Variants in NUP210L observed in about 807,000 individuals in gnomAD.
NUP210L encodes nucleoporin 210 like, also known as nuclear pore membrane glycoprotein 210-like.
NUP210L carries 74 observed loss-of-function variants against 208.5 expected under a neutral mutation model. The ratio of observed to expected loss-of-function variants is 0.35; its 90% CI spans 0.29 to 0.43. The LOEUF (loss-of-function observed/expected upper bound fraction) is 0.43, where lower values mean the gene tolerates loss of function less well. NUP210L is among the 20% of genes least tolerant of loss of function. The pLI is 1.00. For missense variants in NUP210L, 1,843 were observed against 2,289.4 expected (o/e 0.81, Z 3.98); for synonymous variants, 780 against 816.9 (o/e 0.95, Z 0.77).
chr1:154,027,092 AAAAAC>A (rs1557924477), intron 29 of NUP210L, among the ~76,000 whole-genome samples: 4 of 143,544 alleles, frequency 2.8e-5, no homozygotes, highest in South Asian at 2.2e-4. Flanking sequence ...AAAAAAAAAA[AAAAAC>A]AAAAAAAAAA....
chr1:154,072,778 G>A (rs896176635), intron 16 of NUP210L, among the ~76,000 whole-genome samples: 1 of 152,148 alleles, frequency 6.6e-6, no homozygotes, highest in African/African-American at 2.4e-5. Flanking sequence ...ATTCGAGATG[G>A]ATCAAGGACT....
chr1:154,104,174 G>A, exon 13 of NUP210L: 1 of 1,613,950 alleles, frequency 6.2e-7, no homozygotes. Flanking sequence ...GCATGAAATG[G>A]TAACAGTTCC....
chr1:154,091,720 C>T (rs1268605657), intron 15 of NUP210L, among the ~76,000 whole-genome samples: 1 of 151,418 alleles, frequency 6.6e-6, no homozygotes, highest in Non-Finnish European at 1.5e-5. Context: ...AGGCTGGTCT[C>T]GAACTCCTGA....
At chr1:154,101,172 C>A (rs1204104712) in intron 13 of NUP210L, among the ~76,000 whole-genome samples, 44 of 104,722 alleles carry the variant, frequency 4.2e-4, no homozygotes, top group East Asian at 8.5e-4. Context: ...AACTCTGTCT[C>A]AAAAAAAAAA....
chr1:154,078,642 C>T (rs944829874), intron 16 of NUP210L, among the ~76,000 whole-genome samples: 16 of 150,692 alleles, frequency 1.1e-4, no homozygotes, highest in African/African-American at 3.7e-4. Flanking sequence ...GTTTGATGGG[C>T]ATAGTATATA....
chr1:154,009,578 G>A (rs1264784562), intron 35 of NUP210L, among the ~76,000 whole-genome samples: 1 of 141,978 alleles, frequency 7.0e-6, no homozygotes, highest in Non-Finnish European at 1.5e-5. Flanking sequence ...CTTGAGGCCA[G>A]GAGTTTGAGA....
chr1:154,133,828 A>G (rs767582010), intron 7 of NUP210L, among the ~76,000 whole-genome samples: 16 of 151,938 alleles, frequency 1.1e-4, no homozygotes, highest in Non-Finnish European at 1.8e-4. Context: ...AGCCTGGGCA[A>G]CAGAGTGAGA....
chr1:154,145,439 GA>G (rs888066631), intron 2 of NUP210L, among the ~76,000 whole-genome samples: 10 of 150,178 alleles, frequency 6.7e-5, no homozygotes, highest in Admixed American at 2.0e-4. Flanking sequence ...ATTAAACATT[GA>G]AAAAAAAATC....
chr1:154,128,155 C>T (rs1303771548), intron 8 of NUP210L, among the ~76,000 whole-genome samples: 1 of 152,118 alleles, frequency 6.6e-6, no homozygotes, highest in Admixed American at 6.6e-5. Flanking sequence ...AACCACTGCA[C>T]CCAGCTCTCC....
intron 2 of NUP210L, among the ~76,000 whole-genome samples, chr1:154,151,112 T>A (rs1301541811): frequency 6.6e-6 from 1 of 152,078 alleles, no homozygotes; most frequent in Non-Finnish European, 1.5e-5. Context: ...AATTTTTTTA[T>A]ATCAGAATGA....
chr1:154,054,860 A>T (rs760155256), intron 23 of NUP210L, 28 bp from the exon 24 acceptor site: 9 of 1,513,436 alleles, frequency 5.9e-6, no homozygotes, highest in Non-Finnish European at 7.3e-6. Flanking sequence ...AAAGGACAAC[A>T]GTAACTAACT....
intron 10 of NUP210L, among the ~76,000 whole-genome samples, chr1:154,122,420 G>A (rs1374493971): frequency 6.6e-6 from 1 of 152,162 alleles, no homozygotes; most frequent in African/African-American, 2.4e-5. Context: ...ACTTTGGGAG[G>A]CCGAGGCAGG....
chr1:154,052,017 G>C (rs1411164727), intron 25 of NUP210L, among the ~76,000 whole-genome samples: 1 of 152,208 alleles, frequency 6.6e-6, no homozygotes, highest in African/African-American at 2.4e-5. Flanking sequence ...AAAAGCAAAA[G>C]GGGAGAAACA....
chr1:154,046,243 T>G (rs1270435630), intron 26 of NUP210L, 43 bp from the exon 27 acceptor site: 1 of 1,614,070 alleles, frequency 6.2e-7, no homozygotes, highest in South Asian at 1.1e-5. Flanking sequence ...TCTGCCCAGT[T>G]GCAATTATCA....
intron 35 of NUP210L, among the ~76,000 whole-genome samples, chr1:154,009,477 G>A (rs1245718844): frequency 1.3e-5 from 2 of 151,960 alleles, no homozygotes; most frequent in Non-Finnish European, 2.9e-5. Context: ...TATTCTAGGA[G>A]GCATGTGTTA....
intron 25 of NUP210L, among the ~76,000 whole-genome samples, chr1:154,047,221 T>C (rs1204133542): frequency 6.6e-6 from 1 of 151,790 alleles, no homozygotes; most frequent in Admixed American, 6.5e-5. Flanking sequence ...CAATAAGTTA[T>C]TGTTTATTTA....
chr1:154,040,751 T>C (rs992013496), intron 27 of NUP210L, among the ~76,000 whole-genome samples: 1 of 151,874 alleles, frequency 6.6e-6, no homozygotes, highest in African/African-American at 2.4e-5. Context: ...CATTCCCGGC[T>C]AAATTTTTTT....
chr1:154,022,999 CAAAA>C (rs1557920601), intron 31 of NUP210L, 119 bp downstream of exon 31: 5 of 1,116,812 alleles, frequency 4.5e-6, no homozygotes, highest in Non-Finnish European at 6.3e-6. Context: ...TTTTTTTTAA[CAAAA>C]GAAAGATCAA....
intron 28 of NUP210L, among the ~76,000 whole-genome samples, chr1:154,028,234 C>G (rs1394379806): frequency 6.6e-6 from 1 of 152,166 alleles, no homozygotes; most frequent in Non-Finnish European, 1.5e-5. Context: ...ACTATTCATA[C>G]TCTTACACCT....
Sources: allele counts gnomAD v4.1 joint callset (sites outside exome capture counted in the v4.1 genomes callset), GRCh38; gene constraint gnomAD v4.1.1; transcripts MANE v1.5; gene names NCBI Gene and HGNC (gene_info 2026-07-23, HGNC 2026-07-21).